Variants in KIF1B observed in about 807,000 individuals in gnomAD.
The protein encoded by KIF1B is kinesin-like protein KIF1B.
Under a neutral mutation model 241.9 loss-of-function variants are expected in KIF1B, and 76 were observed. The observed-to-expected ratio is 0.31, with a 90% CI of 0.26 to 0.38. KIF1B has a LOEUF of 0.38. Among genes scored for constraint, KIF1B ranks in the 10% least tolerant of loss-of-function variants. The pLI is 1.00. For missense variants in KIF1B, 1,622 were observed against 2,271.4 expected, an observed-to-expected ratio of 0.71 and a Z score of 5.81; for synonymous variants, 750 against 796.7, an observed-to-expected ratio of 0.94 and a Z score of 0.99.
In KIF1B at chr1:10,296,609, G is replaced by C. The variant is rs1173721364; in HGVS notation, c.1805G>C (p.Arg602Pro). 5 of 1,613,822 alleles carry C rather than the reference G, an allele frequency of 3.1e-6. No individual in the cohort carries two copies. The highest frequency in any genetic ancestry group is 4.2e-6 in the Non-Finnish European group (5 of 1,179,880). The change falls in exon 20 of 49, where the codon CGC becomes CCC. Residue 602 changes from arginine (R) to proline (P), a missense_variant. This residue lies in a region of KIF1B where 44 missense variants were observed against 28.6 expected (regional missense o/e 1.54). Transcript: ENST00000676179. Reference sequence around the variant, plus strand: ...ATCGTGACCTTAGAGCCCTGTGAGCGCTCAGAAACCTACGTAAATGGCAAG... The same window carrying C: ...ATCGTGACCTTAGAGCCCTGTGAGCCCTCAGAAACCTACGTAAATGGCAAG... The part of the protein sequence containing the change: ...EVIVTLEPCE[R>P]SETYVNGKRV...
At chr1:10,301,657 C>A (rs780142787) in intron 22 of KIF1B, among the ~76,000 whole-genome samples, 6 of 151,246 alleles carry the variant, frequency 4.0e-5, no homozygotes, top group Non-Finnish European at 8.8e-5. Flanking sequence ...AAGATTCTGT[C>A]TCAAAAAAAA....
chr1:10,263,283 AT>A (rs202119992), intron 5 of KIF1B, among the ~76,000 whole-genome samples: 2,568 of 132,666 alleles, frequency 0.019, 86 homozygotes, highest in African/African-American at 0.068. Context: ...AAAAAAAATA[AT>A]AATAATAAAT....
intron 5 of KIF1B, among the ~76,000 whole-genome samples, chr1:10,266,993 TTTG>T (rs1280739292): frequency 6.6e-6 from 1 of 152,010 alleles, no homozygotes; most frequent in African/African-American, 2.4e-5. Context: ...TGTGATTTCT[TTTG>T]TTTTCTTTTT....
At chr1:10,290,435 C>T (rs559162714) in intron 15 of KIF1B, among the ~76,000 whole-genome samples, 1 of 151,988 alleles carries the variant, frequency 6.6e-6, no homozygotes, top group African/African-American at 2.4e-5. Context: ...TGTGTTATGG[C>T]GAAATTGTAG....
chr1:10,370,584 T>TAAGAAGAAG (rs201667068), intron 44 of KIF1B, among the ~76,000 whole-genome samples: 6 of 134,980 alleles, frequency 4.4e-5, no homozygotes, highest in African/African-American at 1.8e-4. Context: ...ATAATAATAA[T>TAAGAAGAAG]AATAATAATA....
intron 2 of KIF1B, among the ~76,000 whole-genome samples, chr1:10,239,155 A>G (rs765981947): frequency 2.2e-4 from 33 of 152,092 alleles, no homozygotes; most frequent in Non-Finnish European, 4.3e-4. Context: ...ACAAAAAACC[A>G]TGTTGCCCAT....
intron 2 of KIF1B, among the ~76,000 whole-genome samples, chr1:10,238,590 A>C (rs1187576755): frequency 6.6e-6 from 1 of 151,840 alleles, no homozygotes; most frequent in East Asian, 1.9e-4. Context: ...CTGTGGTTGC[A>C]GCTACTCCAG....
intron 4 of KIF1B, among the ~76,000 whole-genome samples, chr1:10,259,373 G>A (rs1437961668): frequency 6.6e-6 from 1 of 151,754 alleles, no homozygotes; most frequent in African/African-American, 2.4e-5. Context: ...GGAGTGCAGT[G>A]GTGTGATCTT....
intron 1 of KIF1B, among the ~76,000 whole-genome samples, chr1:10,215,168 A>T (rs1474716213): frequency 0.011 from 596 of 53,772 alleles, 12 homozygotes; most frequent in Non-Finnish European, 0.016. Context: ...ATATATATAT[A>T]TATATTTTTT....
chr1:10,231,644 C>G (rs144456849), intron 1 of KIF1B, among the ~76,000 whole-genome samples: 2 of 152,208 alleles, frequency 1.3e-5, no homozygotes, highest in East Asian at 3.9e-4. Context: ...AACTTGACTT[C>G]CCAAAGTGCT....
At chr1:10,375,089 C>T in intron 47 of KIF1B, 43 bp downstream of exon 47, 1 of 1,597,032 alleles carries the variant, frequency 6.3e-7, no homozygotes, top group South Asian at 1.1e-5. Context: ...CACGTGTGCC[C>T]TTCTCTTTTG....
chr1:10,251,855 C>T (rs1213964875), intron 2 of KIF1B, among the ~76,000 whole-genome samples: 3 of 152,002 alleles, frequency 2.0e-5, no homozygotes, highest in East Asian at 1.9e-4. Context: ...TGTTTTTGAG[C>T]GGTGAGGACT....
chr1:10,365,205 A>T lies in KIF1B; in HGVS notation c.4472A>T (p.Glu1491Val), dbSNP rs764175781. Reference sequence around the variant, plus strand: ...CCCCGTGGAGACAGCCTCATCCTTGAGCACCAGTGGGAGCTGGAGAAGCTG... The same window carrying T: ...CCCCGTGGAGACAGCCTCATCCTTGTGCACCAGTGGGAGCTGGAGAAGCTG... ...WRPRGDSLILEHQWELEKLEL... is the reference protein window; with the variant it reads ...WRPRGDSLILVHQWELEKLEL... Residue 1491 changes from glutamate to valine, a missense_variant, in exon 42 of 49, where the codon GAG (glutamate) becomes GTG (valine). This residue lies in a region of KIF1B where 357 missense variants were observed against 409.0 expected (regional missense o/e 0.87). Transcript: ENST00000676179. This position sits in a 1 kb window ranked among gnomAD's most constrained non-coding sequence, Gnocchi z 4.0. The T allele has an allele frequency of 6.2e-7, 1 of 1,614,050 alleles. No individual in the cohort carries two copies. Among genetic ancestry groups the T allele is most frequent in the Admixed American group, 1.7e-5 (1 of 60,004 alleles).
rs1363277151 is a variant in KIF1B, at chr1:10,321,732, G to A, written c.2233G>A (p.Glu745Lys). ...AGTTCCTTGGACACAGCATGAATTT[G>A]AGTTGGCCCAATGGGCCTTCCGGAA... ...EEVPWTQHEFELAQWAFRKWK... is the reference protein window; with the variant it reads ...EEVPWTQHEFKLAQWAFRKWK... Residue 745 changes from glutamate to lysine, a missense_variant, in exon 24 of 49, where the codon GAG (glutamate) becomes AAG (lysine). Transcript: ENST00000676179. 1 of 1,614,048 alleles carries A rather than the reference G, an allele frequency of 6.2e-7. No individual in the cohort carries two copies. The highest frequency in any genetic ancestry group is 1.7e-5 in the Admixed American group (1 of 60,006).
intron 1 of KIF1B, among the ~76,000 whole-genome samples, chr1:10,223,829 C>T (rs1314889963): frequency 6.6e-6 from 1 of 152,004 alleles, no homozygotes; most frequent in Non-Finnish European, 1.5e-5. Context: ...CAGGCGTGAG[C>T]CACTGTGCCC....
intron 1 of KIF1B, among the ~76,000 whole-genome samples, chr1:10,230,064 G>A (rs149723923): frequency 0.019 from 2,835 of 151,940 alleles, 39 homozygotes; most frequent in Non-Finnish European, 0.028. Flanking sequence ...AGTCGCAGCT[G>A]TTTTGGAGGC....
intron 22 of KIF1B, among the ~76,000 whole-genome samples, chr1:10,310,622 GATAA>G (rs1427740763): frequency 6.6e-6 from 1 of 150,990 alleles, no homozygotes; most frequent in Non-Finnish European, 1.5e-5. Context: ...AGCTACTTCT[GATAA>G]ATATTTATCT....
chr1:10,329,713 A>G (rs565919409), intron 27 of KIF1B, among the ~76,000 whole-genome samples: 1 of 151,564 alleles, frequency 6.6e-6, no homozygotes, highest in Admixed American at 6.6e-5. Context: ...AGCCTGGGCA[A>G]CAGAGCAAAG....
chr1:10,240,510 A>G (rs1194647709), intron 2 of KIF1B, among the ~76,000 whole-genome samples: 1 of 152,088 alleles, frequency 6.6e-6, no homozygotes, highest in East Asian at 1.9e-4. Flanking sequence ...ACCCGGCCTG[A>G]ACCATTTTTA....
Sources: allele counts gnomAD v4.1 joint callset (sites outside exome capture counted in the v4.1 genomes callset), GRCh38; gene constraint gnomAD v4.1.1; regional missense constraint gnomAD v4.1.1; non-coding constraint Gnocchi (gnomAD v3.1); transcripts MANE v1.5; gene names NCBI Gene and HGNC (gene_info 2026-07-23, HGNC 2026-07-21).